Variants in DLGAP1 observed in about 807,000 individuals in gnomAD.
DLGAP1 encodes DLG associated protein 1.
A neutral mutation model predicts 90.8 loss-of-function variants in DLGAP1; 11 were observed. The ratio of observed to expected loss-of-function variants is 0.12; its 90% CI spans 0.08 to 0.20. DLGAP1 has a LOEUF of 0.20. Ranked by LOEUF, DLGAP1 falls within the 10% of genes least tolerant of loss-of-function variation. The pLI, the probability that DLGAP1 is intolerant of heterozygous loss-of-function variation, is 1.00. For missense variants in DLGAP1, 1,050 were observed against 1,333.8 expected (o/e 0.79, Z 3.31); for synonymous variants, 558 against 540.7 (o/e 1.03, Z -0.44).
At chr18:3,617,854 G>A (rs185468902) in intron 7 of DLGAP1, among the ~76,000 whole-genome samples, 16 of 151,948 alleles carry the variant, frequency 1.1e-4, no homozygotes, top group Admixed American at 7.9e-4. Flanking sequence ...GGGCAACATG[G>A]TGAAACCCCA....
intron 8 of DLGAP1, chr18:3,580,327 T>G: frequency 6.2e-7 from 1 of 1,613,942 alleles, no homozygotes; most frequent in South Asian, 1.1e-5. Flanking sequence ...AGTCCCTTTT[T>G]CAGTGCGCGA....
At chr18:4,417,537 T>C (rs1332520387) in intron 1 of DLGAP1, among the ~76,000 whole-genome samples, 1 of 152,174 alleles carries the variant, frequency 6.6e-6, no homozygotes, top group African/African-American at 2.4e-5. Flanking sequence ...GTTTTCGCTT[T>C]AAGGTAAAGA....
chr18:4,166,495 G>T (rs567836770), intron 1 of DLGAP1, among the ~76,000 whole-genome samples: 25 of 152,298 alleles, frequency 1.6e-4, no homozygotes, highest in African/African-American at 5.8e-4. Flanking sequence ...GGAGACGAAG[G>T]TCGTTCCTCA....
intron 5 of DLGAP1, among the ~76,000 whole-genome samples, chr18:3,789,032 A>C (rs2065595500): frequency 6.6e-6 from 1 of 152,244 alleles, no homozygotes; most frequent in Non-Finnish European, 1.5e-5. Flanking sequence ...CAATTAATTT[A>C]GCACGTACTC....
intron 1 of DLGAP1, among the ~76,000 whole-genome samples, chr18:4,267,291 C>A (rs1231116986): frequency 6.6e-6 from 1 of 152,162 alleles, no homozygotes; most frequent in African/African-American, 2.4e-5. Context: ...CACCTGTGCA[C>A]CTAATCTTTA....
At chr18:4,353,871 A>C (rs1040147386) in intron 1 of DLGAP1, among the ~76,000 whole-genome samples, 3 of 152,154 alleles carry the variant, frequency 2.0e-5, no homozygotes, top group Non-Finnish European at 4.4e-5. Context: ...CTGAAAAATC[A>C]ATAGCCAAAC....
intron 3 of DLGAP1, among the ~76,000 whole-genome samples, chr18:3,943,596 A>G (rs1402560572): frequency 2.6e-5 from 4 of 152,180 alleles, no homozygotes; most frequent in African/African-American, 4.8e-5. Context: ...CTCAGAGAGT[A>G]TCAAGCATAC....
intron 7 of DLGAP1, among the ~76,000 whole-genome samples, chr18:3,602,501 A>C (rs1314829612): frequency 6.8e-6 from 1 of 147,118 alleles, no homozygotes; most frequent in Non-Finnish European, 1.5e-5. Context: ...AGGCTGAGGC[A>C]GGAGAATGGC....
intron 5 of DLGAP1, among the ~76,000 whole-genome samples, chr18:3,799,824 T>A (rs2066203416): frequency 6.6e-6 from 1 of 152,080 alleles, no homozygotes; most frequent in Admixed American, 6.5e-5. Flanking sequence ...CCGCTAATAC[T>A]CCTCTACCTG....
At chr18:3,999,289 T>G (rs35319387) in intron 3 of DLGAP1, among the ~76,000 whole-genome samples, 32 of 152,192 alleles carry the variant, frequency 2.1e-4, no homozygotes, top group Non-Finnish European at 4.6e-4. Context: ...AACATACATA[T>G]TATTATTAAA....
chr18:4,271,332 C>T (rs1361820594), intron 1 of DLGAP1, among the ~76,000 whole-genome samples: 3 of 152,148 alleles, frequency 2.0e-5, no homozygotes, highest in Admixed American at 6.5e-5. Context: ...AAATACTTTA[C>T]CATGTTGTTC....
intron 2 of DLGAP1, among the ~76,000 whole-genome samples, chr18:4,143,553 G>T (rs758352317): frequency 5.3e-5 from 8 of 151,894 alleles, no homozygotes; most frequent in Non-Finnish European, 1.0e-4. Flanking sequence ...AGAAATGCCA[G>T]TCAAGAGACA....
chr18:4,029,194 CT>C (rs2074752564), intron 2 of DLGAP1, among the ~76,000 whole-genome samples: 1 of 152,152 alleles, frequency 6.6e-6, no homozygotes, highest in Non-Finnish European at 1.5e-5. Context: ...TTTTCTTCTT[CT>C]TAAGGCTGAA....
At chr18:3,719,332 C>CG (rs758784605) in intron 7 of DLGAP1, among the ~76,000 whole-genome samples, 11 of 151,552 alleles carry the variant, frequency 7.3e-5, no homozygotes, top group Non-Finnish European at 1.6e-4. Context: ...TTTGGGAGGC[C>CG]GGGGTGGGCG....
intron 1 of DLGAP1, among the ~76,000 whole-genome samples, chr18:4,175,442 T>C (rs1463056423): frequency 3.3e-5 from 5 of 152,354 alleles, no homozygotes; most frequent in African/African-American, 7.2e-5. Context: ...TTTGTCAATT[T>C]TGACATTTGT....
At chr18:4,137,516 T>C (rs2076425110) in intron 2 of DLGAP1, among the ~76,000 whole-genome samples, 1 of 152,186 alleles carries the variant, frequency 6.6e-6, no homozygotes, top group African/African-American at 2.4e-5. Flanking sequence ...TAAAATGCTG[T>C]TTTGGTTACT....
rs1441095000 is a variant in DLGAP1 at position 3,720,888 on chromosome 18, C to CCAAAAAAA, written c.1591+8246_1591+8247insTTTTTTTG. On this transcript the variant is annotated intron_variant, in intron 7 of 12. Coordinates refer to ENST00000315677, the MANE Select transcript of DLGAP1 (RefSeq NM_004746.4). The stretch of plus-strand genomic sequence containing the variant: ...GCAACATACTAAGACCTTGTCTCTA[C>CCAAAAAAA]AAAAAAAAAAAAAAAAAAAAATTAG... 3.4e-4 allele frequency among the ~76,000 whole-genome samples: 17 copies of CCAAAAAAA among 50,310 alleles called. 2 individuals carry two copies. Among genetic ancestry groups the CCAAAAAAA allele is most frequent in the African/African-American group, 1.3e-3 (16 of 12,478 alleles). 33.0% of individuals were successfully genotyped at this position (50,310 alleles called of 152,430 possible).
intron 7 of DLGAP1, among the ~76,000 whole-genome samples, chr18:3,605,092 A>T (rs1275208221): frequency 6.6e-6 from 1 of 152,182 alleles, no homozygotes; most frequent in Non-Finnish European, 1.5e-5. Context: ...GCAGTTTACA[A>T]ATCTCCCCTC....
chr18:3,874,667 T>G, intron 4 of DLGAP1: 1 of 1,535,608 alleles, frequency 6.5e-7, no homozygotes, highest in Non-Finnish European at 8.7e-7. Flanking sequence ...CAACCACATC[T>G]CAACTGAGAA....
Sources: allele counts gnomAD v4.1 joint callset (sites outside exome capture counted in the v4.1 genomes callset), GRCh38; gene constraint gnomAD v4.1.1; transcripts MANE v1.5; gene names NCBI Gene and HGNC (gene_info 2026-07-23, HGNC 2026-07-21).